The following CFAP251 variants were observed in gnomAD, a reference collection of about 807,000 sequenced individuals.
CFAP251 encodes the protein cilia and flagella associated protein 251.
A neutral mutation model predicts 126.7 loss-of-function variants in CFAP251; 93 were observed. The observed-to-expected ratio is 0.73, with a 90% confidence interval of 0.62 to 0.87. The LOEUF (loss-of-function observed/expected upper bound fraction) is 0.87. CFAP251 is among the 40% of genes least tolerant of loss of function. The pLI is 0.00. For synonymous variants in CFAP251, 503 were observed against 506.9 expected, an observed-to-expected ratio of 0.99 and a Z score of 0.10; for missense variants, 1,287 against 1,389.2, an observed-to-expected ratio of 0.93 and a Z score of 1.17.
At chr12:121,930,492 CA>C (rs1394219416) in intron 3 of CFAP251, among the ~76,000 whole-genome samples, 4 of 149,126 alleles carry the variant, frequency 2.7e-5, no homozygotes, top group Admixed American at 2.7e-4. Context: ...TTCCCTCCTC[CA>C]AAAAAAACAA....
intron 3 of CFAP251, among the ~76,000 whole-genome samples, chr12:121,924,496 G>A (rs555276876): frequency 7.3e-5 from 10 of 136,496 alleles, no homozygotes; most frequent in African/African-American, 2.0e-4. Context: ...GCAATGGCAC[G>A]ATCTTGGCTC....
intron 15 of CFAP251, among the ~76,000 whole-genome samples, chr12:121,962,784 T>A (rs1471030782): frequency 6.6e-6 from 1 of 151,140 alleles, no homozygotes; most frequent in Non-Finnish European, 1.5e-5. Flanking sequence ...CATCTGAGCA[T>A]CCAGACAGAG....
intron 19 of CFAP251, among the ~76,000 whole-genome samples, chr12:121,993,762 T>C (rs1593007825): frequency 5.5e-5 from 8 of 146,596 alleles, no homozygotes; most frequent in Middle Eastern, 3.6e-3. Flanking sequence ...GAGGAGCCCC[T>C]CTGCCCGGCC....
chr12:122,002,501 CT>C (rs1419309366), intron 21 of CFAP251, among the ~76,000 whole-genome samples: 1 of 151,872 alleles, frequency 6.6e-6, no homozygotes. Context: ...GATTGTGCCA[CT>C]GTACTCCAGC....
chr12:122,000,079 G>A, intron 20 of CFAP251, 135 bp downstream of exon 20: 2 of 796,430 alleles, frequency 2.5e-6, no homozygotes, highest in East Asian at 2.7e-5. Flanking sequence ...GAGCCATGAG[G>A]GGTCTGGCTG....
intron 19 of CFAP251, among the ~76,000 whole-genome samples, chr12:121,991,443 A>C (rs1209206544): frequency 1.3e-5 from 2 of 152,244 alleles, no homozygotes. Flanking sequence ...AGCAGTATTC[A>C]AAGTGTGGTC....
chr12:121,957,734 A>G (rs1341779044), intron 11 of CFAP251, among the ~76,000 whole-genome samples: 1 of 151,386 alleles, frequency 6.6e-6, no homozygotes, highest in Non-Finnish European at 1.5e-5. Context: ...TTAATGAAAC[A>G]TGACTTTAAT....
At position 121,960,711 on chromosome 12, in the gene CFAP251, G is replaced by A; in HGVS notation, c.2260G>A (p.Asp754Asn). 1 of 1,613,918 alleles carries A rather than the reference G, an allele frequency of 6.2e-7. No individual in the cohort carries two copies. The highest frequency in any genetic ancestry group is 8.5e-7 in the Non-Finnish European group (1 of 1,179,920). The change falls in exon 14 of 22, where the codon GAC (aspartate) becomes AAC (asparagine). Residue 754 changes from aspartate to asparagine, a missense_variant. By Grantham distance (23) the Asp-to-Asn change is conservative. Coordinates refer to ENST00000288912, the MANE Select transcript of CFAP251 (RefSeq NM_144668.6). ...AAGTCTCCTGTTTGGGGTTTACCTGGACAGCAATGAGCCTAGACTGCTGAG... is the reference window on the plus strand; with the variant it reads ...AAGTCTCCTGTTTGGGGTTTACCTGAACAGCAATGAGCCTAGACTGCTGAG... ...IRSLLFGVYLDSNEPRLLSLG... is the reference protein window; with the variant it reads ...IRSLLFGVYLNSNEPRLLSLG...
intron 10 of CFAP251, among the ~76,000 whole-genome samples, chr12:121,956,577 G>A (rs778831300): frequency 6.6e-6 from 1 of 152,198 alleles, no homozygotes; most frequent in South Asian, 2.1e-4. Flanking sequence ...CTCACTGCAA[G>A]CTCCGCCTTC....
chr12:121,967,559 G>A (rs768724921), intron 16 of CFAP251, among the ~76,000 whole-genome samples: 1 of 152,070 alleles, frequency 6.6e-6, no homozygotes, highest in African/African-American at 2.4e-5. Context: ...AAAATGAGCC[G>A]GGCGTGGTGG....
At chr12:121,932,298 T>C (rs1880725790) in intron 4 of CFAP251, 1 of 152,894 alleles carries the variant, frequency 6.5e-6, no homozygotes, top group Non-Finnish European at 1.5e-5. Flanking sequence ...GGTATTCATA[T>C]ATCCATTTTA....
intron 19 of CFAP251, among the ~76,000 whole-genome samples, chr12:121,985,536 A>G (rs1882726107): frequency 1.1e-5 from 1 of 90,762 alleles, no homozygotes; most frequent in African/African-American, 1.4e-4. Context: ...ACTCCATCTC[A>G]AAAAAAAAAA....
chr12:121,934,426 C>A, intron 5 of CFAP251, 70 bp downstream of exon 5: 1 of 1,194,576 alleles, frequency 8.4e-7, no homozygotes, highest in Non-Finnish European at 1.2e-6. Flanking sequence ...GTGACAGTGA[C>A]AGAATGAGCA....
At chr12:121,976,930 A>C (rs1483907009) in intron 19 of CFAP251, among the ~76,000 whole-genome samples, 1 of 152,166 alleles carries the variant, frequency 6.6e-6, no homozygotes, top group Non-Finnish European at 1.5e-5. Flanking sequence ...AAATAAATAA[A>C]GTACAATTTA....
Position 121,958,493 on chromosome 12 carries a change from G to C in CFAP251, c.1952G>C (p.Gly651Ala), listed in dbSNP as rs756493398. ...AGCAGGGTTTTTGAGAAGGGGCTTGGAGTCCAGAGTCTGACCTACAACCCC... is the reference window on the plus strand; with the variant it reads ...AGCAGGGTTTTTGAGAAGGGGCTTGCAGTCCAGAGTCTGACCTACAACCCC... ...LFSRVFEKGLGVQSLTYNPEG... is the reference protein window; with the variant it reads ...LFSRVFEKGLAVQSLTYNPEG... Residue 651 changes from glycine (G) to alanine (A), a missense_variant, in exon 12 of 22, where the codon GGA (glycine) becomes GCA (alanine). Physicochemically the swap from Gly to Ala is moderately conservative, Grantham distance 60. Coordinates refer to ENST00000288912, the MANE Select transcript of CFAP251 (RefSeq NM_144668.6). The C allele has an allele frequency of 6.2e-7, 1 of 1,614,204 alleles. No homozygotes were observed. The highest frequency in any genetic ancestry group is 8.5e-7 in the Non-Finnish European group (1 of 1,180,018).
chr12:121,921,420 G>C lies in CFAP251; in HGVS notation c.115G>C (p.Glu39Gln). 1 of 1,613,778 alleles carries C rather than the reference G, an allele frequency of 6.2e-7. No homozygotes were observed. The change falls in exon 2 of 22, where the codon GAA becomes CAA. Residue 39 changes from glutamate (E) to glutamine (Q), a missense_variant. Coordinates refer to ENST00000288912, the MANE Select transcript of CFAP251 (RefSeq NM_144668.6). ...NYKEVEDPQQ[E>Q]SKDDTIAWRE... ...TAAAGAAGTAGAAGATCCACAACAG[G>C]AATCAAAAGATGACACAATAGCATG...
At chr12:121,952,230 T>G (rs1881554220) in intron 9 of CFAP251, among the ~76,000 whole-genome samples, 1 of 121,346 alleles carries the variant, frequency 8.2e-6, no homozygotes. Context: ...AGGCTAGACT[T>G]CGTTTCTACT....
In CFAP251 at chr12:121,989,931, C is replaced by G. The variant is rs1882839133; in HGVS notation, c.3007-9785C>G. ...TTCCTGAGGCTGACAGCAGGGATCA[C>G]AGACCCAAAGGCCTGCGTCATCAAT... On this transcript the variant is annotated intron_variant, in intron 19 of 21. Coordinates refer to ENST00000288912, the MANE Select transcript of CFAP251 (RefSeq NM_144668.6). This position sits in a 1 kb window ranked among gnomAD's most constrained non-coding sequence, Gnocchi z 4.2. Among the ~76,000 whole-genome samples the G allele has an allele frequency of 6.6e-6, 1 of 152,112 alleles. No individual in the cohort carries two copies. Among genetic ancestry groups the G allele is most frequent in the Non-Finnish European group, 1.5e-5 (1 of 68,030 alleles).
At position 122,003,031 on chromosome 12, in the gene CFAP251, T is replaced by C. The variant is rs79761751; in HGVS notation, c.3338-621T>C. Reference sequence around the variant, plus strand: ...TTCAGATCTCAGAATGTACCTTTCCTGATTGTTATATATTTCTGCTGTGTT... The same window carrying C: ...TTCAGATCTCAGAATGTACCTTTCCCGATTGTTATATATTTCTGCTGTGTT... On this transcript the variant is annotated intron_variant, in intron 21 of 21. Coordinates refer to ENST00000288912, the MANE Select transcript of CFAP251 (RefSeq NM_144668.6). Among the ~76,000 whole-genome samples the C allele has an allele frequency of 1.2e-3, 189 of 152,334 alleles. 4 individuals are homozygous for C. In the East Asian group the frequency reaches 0.035, roughly 28 times the overall value.
Sources: gnomAD v4.1 joint callset for allele counts (sites outside exome capture counted in the v4.1 genomes callset) on GRCh38, gnomAD v4.1.1 for gene constraint, Gnocchi (gnomAD v3.1) non-coding constraint, MANE v1.5 for transcripts, NCBI Gene and HGNC (gene_info 2026-07-23, HGNC 2026-07-21) for gene names.